Variants in HNF1B observed in about 807,000 individuals in gnomAD.
The protein encoded by HNF1B is HNF1 homeobox B.
HNF1B carries 8 observed loss-of-function variants against 61.7 expected under a neutral mutation model. The ratio of observed to expected loss-of-function variants is 0.13; its 90% CI spans 0.08 to 0.23. The LOEUF is 0.23. Ranked by LOEUF, HNF1B falls within the 10% of genes least tolerant of loss-of-function variation. The pLI is 1.00. For synonymous variants in HNF1B, 314 were observed against 287.7 expected (o/e 1.09, Z -0.93); for missense variants, 562 against 714.5 (o/e 0.79, Z 2.43).
chr17:37,721,977 G>C (rs888861563), intron 4 of HNF1B, among the ~76,000 whole-genome samples: 6 of 152,102 alleles, frequency 3.9e-5, no homozygotes, highest in Non-Finnish European at 8.8e-5. Flanking sequence ...GGCTTTTGTC[G>C]AAAGTTCTTA....
At position 37,698,367 on chromosome 17, in the gene HNF1B, A is replaced by G. The variant is rs1470090601; in HGVS notation, c.1653+709T>C. Among the ~76,000 whole-genome samples, 7 of 152,140 alleles carry G rather than the reference A, an allele frequency of 4.6e-5. No homozygotes were observed. The East Asian group carries it at 1.2e-3, about 25-fold the overall frequency. ...CAGTCCAGCTGTCCAAGCTGCAGCA[A>G]TGAGCCTCGCCATCAGCTGCCTGTC... On this transcript the variant is annotated intron_variant, in intron 8 of 8. Coordinates refer to ENST00000617811, the MANE Select transcript of HNF1B (RefSeq NM_000458.4).
At chr17:37,731,339 GGAA>G in intron 4 of HNF1B, 1 of 614,638 alleles carries the variant, frequency 1.6e-6, no homozygotes, top group Non-Finnish European at 2.9e-6. Flanking sequence ...AGAAGAAGAG[GGAA>G]GGAGACAAAT....
Position 37,744,611 on chromosome 17 carries a change from G to T in HNF1B, c.274C>A (p.Leu92Ile). 2 of 1,610,302 alleles carry T rather than the reference G, an allele frequency of 1.2e-6. No homozygotes were observed. The change falls in exon 1 of 9, where the codon CTC becomes ATC. Residue 92 changes from leucine (L) to isoleucine (I), a missense_variant. Physicochemically the swap from Leu to Ile is conservative, Grantham distance 5. This residue lies in a region of HNF1B where 148 missense variants were observed against 147.3 expected (regional missense o/e 1.00). Transcript: ENST00000617811. ...DGDDYDTPPI[L>I]KELQALNTEE... The stretch of plus-strand genomic sequence containing the variant: ...GTGTTGAGCGCCTGCAGCTCCTTGA[G>T]GATGGGAGGTGTGTCATAGTCGTCG...
intron 4 of HNF1B, among the ~76,000 whole-genome samples, chr17:37,712,091 A>T (rs1318942063): frequency 3.3e-5 from 5 of 152,244 alleles, no homozygotes; most frequent in Admixed American, 2.6e-4. Context: ...AGGGCTGGGG[A>T]AAAGAACAAA....
intron 4 of HNF1B, chr17:37,729,013 G>A (rs1404186309): frequency 6.6e-6 from 1 of 152,404 alleles, no homozygotes; most frequent in African/African-American, 2.4e-5. Context: ...CCTCTCTAAT[G>A]TTAAGAGTCA....
At chr17:37,703,293 C>T (rs183375501) in intron 6 of HNF1B, among the ~76,000 whole-genome samples, 245 of 152,166 alleles carry the variant, frequency 1.6e-3, no homozygotes, top group Non-Finnish European at 2.8e-3. Flanking sequence ...TCTGGTGCAG[C>T]CCATCTGAAT....
chr17:37,696,826 C>T (rs1034764119), intron 8 of HNF1B, among the ~76,000 whole-genome samples: 2 of 152,356 alleles, frequency 1.3e-5, no homozygotes, highest in Middle Eastern at 3.4e-3. Flanking sequence ...GCCTTAGGAA[C>T]AGAGTTTGTA....
chr17:37,716,841 A>ACTCTCTCTCTCTCTCT (rs1177165771), intron 4 of HNF1B, among the ~76,000 whole-genome samples: 9 of 76,824 alleles, frequency 1.2e-4, no homozygotes, highest in African/African-American at 4.7e-4. Context: ...ACACTTTAAC[A>ACTCTCTCTCTCTCTCT]ATCTCTCTCT....
intron 2 of HNF1B, among the ~76,000 whole-genome samples, chr17:37,735,039 C>G (rs1352544831): frequency 6.6e-6 from 1 of 152,144 alleles, no homozygotes; most frequent in Non-Finnish European, 1.5e-5. Flanking sequence ...ATCCACCTGC[C>G]TCAGCCTCCC....
Position 37,744,554 on chromosome 17 carries a change from C to G in HNF1B, c.331G>C (p.Asp111His). The change falls in exon 1 of 9, where the codon GAC becomes CAC. Residue 111 changes from aspartate to histidine, a missense_variant. Asp to His is a moderately conservative substitution (Grantham distance 81). Transcript: ENST00000617811. ...CTCTGCGCCTACCTGAGCATCCGGT[C>G]CACCTCCGCCCGCTGCTCCGCCGCC... ...EEAAEQRAEVDRMLSEDPWRA... is the reference protein window; with the variant it reads ...EEAAEQRAEVHRMLSEDPWRA... The G allele has an allele frequency of 6.2e-7, 1 of 1,603,306 alleles. No homozygotes were observed. Among genetic ancestry groups the G allele is most frequent in the African/African-American group, 1.3e-5 (1 of 75,056 alleles).
rs1046205878 is a variant in HNF1B at position 37,707,219 on chromosome 17, G to A, written c.1207-2170C>T. Among the ~76,000 whole-genome samples, 5 of 151,512 alleles carry A rather than the reference G, an allele frequency of 3.3e-5. No individual in the cohort carries two copies. In the East Asian group the frequency reaches 7.7e-4, roughly 23 times the overall value. On this transcript the variant is annotated intron_variant, in intron 5 of 8. Coordinates refer to ENST00000617811, the MANE Select transcript of HNF1B (RefSeq NM_000458.4). ...CAGCTTCGAACTCCTGGAATTAAGC[G>A]ATCTTGTCACCTCAACCTCTGGAGT...
chr17:37,697,651 CT>C (rs768822155), intron 8 of HNF1B, among the ~76,000 whole-genome samples: 24 of 152,290 alleles, frequency 1.6e-4, no homozygotes, highest in Middle Eastern at 6.8e-3. Context: ...GGCTGCCCCC[CT>C]GATTGAGATT....
chr17:37,714,072 T>G (rs1441851062), intron 4 of HNF1B, among the ~76,000 whole-genome samples: 2 of 152,238 alleles, frequency 1.3e-5, no homozygotes, highest in Non-Finnish European at 2.9e-5. Context: ...GTAAGACCTG[T>G]GTGATCTTGG....
chr17:37,706,451 A>G (rs1215778652), intron 5 of HNF1B, among the ~76,000 whole-genome samples: 1 of 151,880 alleles, frequency 6.6e-6, no homozygotes, highest in Non-Finnish European at 1.5e-5. Flanking sequence ...TCCCACCAGC[A>G]CCCAGGTAAG....
intron 4 of HNF1B, among the ~76,000 whole-genome samples, chr17:37,716,347 A>G (rs917217680): frequency 6.6e-6 from 1 of 151,854 alleles, no homozygotes; most frequent in African/African-American, 2.4e-5. Context: ...ACAGGCGCCC[A>G]CCACCACGCT....
At chr17:37,702,399 G>C (rs2032601358) in intron 6 of HNF1B, among the ~76,000 whole-genome samples, 1 of 152,138 alleles carries the variant, frequency 6.6e-6, no homozygotes, top group Non-Finnish European at 1.5e-5. Context: ...TCCTGCTTCT[G>C]GCTCTCCTGG....
chr17:37,744,750 C>A lies in HNF1B; in HGVS notation c.135G>T (p.Thr45=). Reference sequence around the variant, plus strand: ...CCCCGCTGCCAGGGGACAGGGGCAGCGTCTCCAGCTTCACCCCGAAGTTCG... The same window carrying A: ...CCCCGCTGCCAGGGGACAGGGGCAGAGTCTCCAGCTTCACCCCGAAGTTCG... ...PSPNFGVKLE[T]LPLSPGSGAE... Residue 45 remains threonine (T), a synonymous_variant, in exon 1 of 9, where the codon ACG becomes ACT. Coordinates refer to ENST00000617811, the MANE Select transcript of HNF1B (RefSeq NM_000458.4). 1 of 1,613,538 alleles carries A rather than the reference C, an allele frequency of 6.2e-7. No homozygotes were observed. Among genetic ancestry groups the A allele is most frequent in the Non-Finnish European group, 8.5e-7 (1 of 1,180,044 alleles).
At chr17:37,732,133 G>A (rs2033706739) in intron 3 of HNF1B, among the ~76,000 whole-genome samples, 1 of 152,190 alleles carries the variant, frequency 6.6e-6, no homozygotes. Flanking sequence ...AGGCAGTCCA[G>A]GGGAAGGTCC....
chr17:37,701,524 G>C (rs559262098), intron 6 of HNF1B, among the ~76,000 whole-genome samples: 2 of 152,360 alleles, frequency 1.3e-5, no homozygotes, highest in East Asian at 3.9e-4. Context: ...CAGGCTGTGA[G>C]AGAGGCTTGC....
Sources: allele counts gnomAD v4.1 joint callset (sites outside exome capture counted in the v4.1 genomes callset), GRCh38; gene constraint gnomAD v4.1.1; regional missense constraint gnomAD v4.1.1; transcripts MANE v1.5; gene names NCBI Gene and HGNC (gene_info 2026-07-23, HGNC 2026-07-21).